Variants in CCDC40 observed in about 807,000 individuals in gnomAD.
The protein encoded by CCDC40 is coiled-coil domain-containing protein 40.
In CCDC40, 104 loss-of-function variants were observed where a neutral mutation model predicts 124.5. The ratio of observed to expected loss-of-function variants is 0.84; its 90% CI spans 0.71 to 0.98. CCDC40 has a LOEUF of 0.98. Ranked by LOEUF, CCDC40 falls within the 50% of genes least tolerant of loss-of-function variation. The pLI, the probability that CCDC40 is intolerant of heterozygous loss-of-function variation, is 0.00. For missense variants in CCDC40, 1,463 were observed against 1,503.9 expected, an observed-to-expected ratio of 0.97 and a Z score of 0.45; for synonymous variants, 580 against 602.9, an observed-to-expected ratio of 0.96 and a Z score of 0.56.
At chr17:80,099,016 C>T (rs1483738781) in intron 19 of CCDC40, 1 of 162,630 alleles carries the variant, frequency 6.1e-6, no homozygotes, top group Non-Finnish European at 1.3e-5. Flanking sequence ...GTCACAGTGG[C>T]TCACACCTGT....
rs562415439 is a variant in CCDC40, at chr17:80,067,624, C to T, written c.1562+2018C>T. The T allele has an allele frequency of 2.1e-4, 320 of 1,536,224 alleles. 1 individual carries two copies. In the African/African-American group the frequency reaches 2.7e-3, roughly 13 times the overall value. ...AGCTTCCTGCCCGGGGCATCGAGGG[C>T]GTTCGCGTCCGTCTGTTATGGCGGT... On this transcript the variant is annotated intron_variant, in intron 10 of 19. Transcript: ENST00000397545.
intron 17 of CCDC40, among the ~76,000 whole-genome samples, chr17:80,091,053 C>T (rs575732284): frequency 2.6e-5 from 4 of 152,188 alleles, no homozygotes; most frequent in South Asian, 2.1e-4. Context: ...CTGTGTCAGC[C>T]GCTGCAGGGA....
intron 1 of CCDC40, among the ~76,000 whole-genome samples, chr17:80,037,720 T>TATATATATATATATATATATATATATA (rs1555889200): frequency 7.1e-5 from 10 of 141,488 alleles, no homozygotes; most frequent in Non-Finnish European, 1.2e-4. Flanking sequence ...TATATATATA[T>TATATATATATATATATATATATATATA]TCCTGTGCTA....
At position 80,084,956 on chromosome 17, in the gene CCDC40, A is replaced by G. The variant is rs2038547796; in HGVS notation, c.2203A>G (p.Lys735Glu). ...GCAAGGGCTCATCAACTTCCTCAACAAGCAGCTGGAGCGGATGGTCTCCGA... is the reference window on the plus strand; with the variant it reads ...GCAAGGGCTCATCAACTTCCTCAACGAGCAGCTGGAGCGGATGGTCTCCGA... ...RKQGLINFLN[K>E]QLERMVSELG... Residue 735 changes from lysine to glutamate, a missense_variant, in exon 13 of 20, where the codon AAG becomes GAG. Coordinates refer to ENST00000397545, the MANE Select transcript of CCDC40 (RefSeq NM_017950.4). 1 of 1,613,922 alleles carries G rather than the reference A, an allele frequency of 6.2e-7. No individual in the cohort carries two copies. The highest frequency in any genetic ancestry group is 1.3e-5 in the African/African-American group (1 of 75,052).
At chr17:80,065,651 G>A in intron 10 of CCDC40, 45 bp downstream of exon 10, 1 of 1,609,194 alleles carries the variant, frequency 6.2e-7, no homozygotes, top group Non-Finnish European at 8.5e-7. Context: ...GAACCCCAGG[G>A]GTCCGTGGCA....
At chr17:80,047,136 G>A (rs750509516) in intron 3 of CCDC40, 143 bp from the exon 4 acceptor site, 26 of 889,914 alleles carry the variant, frequency 2.9e-5, no homozygotes, top group Middle Eastern at 6.3e-4. Flanking sequence ...CATGAGCCAC[G>A]TGCCCGGCCA....
chr17:80,077,119 G>A (rs920226606), intron 10 of CCDC40, among the ~76,000 whole-genome samples: 2 of 152,096 alleles, frequency 1.3e-5, no homozygotes, highest in African/African-American at 4.8e-5. Context: ...ATGCACTGGG[G>A]AACCAAAAAA....
At chr17:80,049,409 C>CA (rs34096428) in intron 5 of CCDC40, among the ~76,000 whole-genome samples, 56,388 of 112,704 alleles carry the variant, frequency 0.5, 13,461 homozygotes, top group Middle Eastern at 0.68. Context: ...AACTCTGTCT[C>CA]AAAAAAAAAA....
chr17:80,044,950 G>A (rs1196381335), intron 3 of CCDC40, among the ~76,000 whole-genome samples: 3 of 152,114 alleles, frequency 2.0e-5, no homozygotes, highest in African/African-American at 7.2e-5. Flanking sequence ...GGGACAGTGT[G>A]AGTGGAGCTT....
At chr17:80,090,329 AGGCACGTGCACGAACAAGGGAC>A in intron 17 of CCDC40, 4 of 684,060 alleles carry the variant, frequency 5.8e-6, no homozygotes, top group South Asian at 2.5e-5. Flanking sequence ...GGACGCGCGC[AGGCACGTGCACGAACAAGGGAC>A]GCGCGCAGGC....
At chr17:80,063,240 A>G (rs562651436) in intron 9 of CCDC40, among the ~76,000 whole-genome samples, 1 of 152,210 alleles carries the variant, frequency 6.6e-6, no homozygotes, top group Admixed American at 6.5e-5. Flanking sequence ...ATAGAATTTG[A>G]TTTCGCACAC....
chr17:80,092,099 T>C (rs976075803), intron 17 of CCDC40: 4 of 151,754 alleles, frequency 2.6e-5, no homozygotes, highest in African/African-American at 9.7e-5. Flanking sequence ...AGTGGTGGGA[T>C]CTCGGCTCGC....
chr17:80,050,064 G>T lies in CCDC40; in HGVS notation c.940G>T (p.Val314Phe). The change falls in exon 7 of 20, where the codon GTT becomes TTT. Residue 314 changes from valine to phenylalanine, a missense_variant and splice_region_variant. Physicochemically the swap from Val to Phe is conservative, Grantham distance 50. Transcript: ENST00000397545. ...EKLKLDLQELVVATKQSRAQR... is the reference protein window; with the variant it reads ...EKLKLDLQELFVATKQSRAQR... Reference sequence around the variant, plus strand: ...GACCCTGTTTCTCTCTTTGGTCCAGGTTGTGGCTACCAAGCAGAGCCGAGC... The same window carrying T: ...GACCCTGTTTCTCTCTTTGGTCCAGTTTGTGGCTACCAAGCAGAGCCGAGC... The T allele has an allele frequency of 1.2e-6, 2 of 1,613,932 alleles. No homozygotes were observed. Among genetic ancestry groups the T allele is most frequent in the Non-Finnish European group, 1.7e-6 (2 of 1,179,988 alleles).
In CCDC40 at chr17:80,069,778, AAGAG is replaced by A. The variant is rs578217944; in HGVS notation, c.1562+4184_1562+4187del. 2.4e-3 allele frequency among the ~76,000 whole-genome samples: 362 copies of A among 151,816 alleles called. 2 individuals are homozygous for A. Among genetic ancestry groups the A allele is most frequent in the African/African-American group, 5.4e-3 (224 of 41,296 alleles). ...AAAAATAAGAAAGAAAAAGAAAAAA[AAGAG>A]AGAGAGAGAGACAGAGAGAGAGAGA... On this transcript the variant is annotated intron_variant, in intron 10 of 19. Coordinates refer to ENST00000397545, the MANE Select transcript of CCDC40 (RefSeq NM_017950.4).
rs2038020680 is a variant in CCDC40 at position 80,065,530 on chromosome 17, A to T, written c.1486A>T (p.Met496Leu). 3 of 1,613,032 alleles carry T rather than the reference A, an allele frequency of 1.9e-6. No homozygotes were observed. The highest frequency in any genetic ancestry group is 2.5e-6 in the Non-Finnish European group (3 of 1,179,942). ...DAISVEKRRI[M>L]QQWASSLVGM... is the part of the protein sequence containing the mutation. ...CATCAGCGTGGAGAAGAGGCGCATC[A>T]TGCAGCAATGGGCCAGCAGCCTGGT... is the stretch of plus-strand genomic sequence containing the variant. Residue 496 changes from methionine (M) to leucine (L), a missense_variant, in exon 10 of 20, where the codon ATG (methionine) becomes TTG (leucine). Transcript: ENST00000397545.
chr17:80,084,224 C>T (rs898237619), intron 12 of CCDC40, among the ~76,000 whole-genome samples: 1 of 152,170 alleles, frequency 6.6e-6, no homozygotes, highest in African/African-American at 2.4e-5. Context: ...ACTGACAGTT[C>T]TGCATGGCTG....
Position 80,081,756 on chromosome 17 carries a change from G to C in CCDC40, c.1773G>C (p.Gln591His). 1 of 1,614,030 alleles carries C rather than the reference G, an allele frequency of 6.2e-7. No individual in the cohort carries two copies. Among genetic ancestry groups the C allele is most frequent in the Non-Finnish European group, 8.5e-7 (1 of 1,180,030 alleles). Residue 591 changes from glutamine to histidine, a missense_variant, in exon 11 of 20, where the codon CAG becomes CAC. Transcript: ENST00000397545. Reference sequence around the variant, plus strand: ...TCAATACCTACAGGCTCACCCTGCAGGACACAGAGGATGCCCTCAGCCAGG... The same window carrying C: ...TCAATACCTACAGGCTCACCCTGCACGACACAGAGGATGCCCTCAGCCAGG... Reference protein sequence around the residue: ...SQFNTYRLTLQDTEDALSQDQ... With the variant: ...SQFNTYRLTLHDTEDALSQDQ...
chr17:80,060,831 G>C (rs1001928679), intron 9 of CCDC40, among the ~76,000 whole-genome samples: 1 of 152,186 alleles, frequency 6.6e-6, no homozygotes, highest in South Asian at 2.1e-4. Context: ...TTACCAGAGA[G>C]CTAATGAATT....
At chr17:80,075,704 C>T (rs1216466671) in intron 10 of CCDC40, among the ~76,000 whole-genome samples, 1 of 152,100 alleles carries the variant, frequency 6.6e-6, no homozygotes, top group Non-Finnish European at 1.5e-5. Context: ...GTCTCGAACT[C>T]CTGACCTCAG....
Sources: allele counts gnomAD v4.1 joint callset (sites outside exome capture counted in the v4.1 genomes callset), GRCh38; gene constraint gnomAD v4.1.1; transcripts MANE v1.5; gene names NCBI Gene and HGNC (gene_info 2026-07-23, HGNC 2026-07-21).